Variants in PDS5B observed in about 807,000 individuals in gnomAD.
PDS5B encodes sister chromatid cohesion protein PDS5 homolog B.
PDS5B carries 51 observed loss-of-function variants against 184.1 expected under a neutral mutation model. The ratio of observed to expected loss-of-function variants is 0.28; its 90% CI spans 0.22 to 0.35. The LOEUF (loss-of-function observed/expected upper bound fraction) is 0.35, where lower values mean the gene tolerates loss of function less well. Ranked by LOEUF, PDS5B falls within the 10% of genes least tolerant of loss-of-function variation. PDS5B has a pLI of 1.00. For synonymous variants in PDS5B, 566 were observed against 569.2 expected, an observed-to-expected ratio of 0.99 and a Z score of 0.08; for missense variants, 1,180 against 1,723.3, an observed-to-expected ratio of 0.68 and a Z score of 5.58.
At chr13:32,630,275 A>C (rs2058434777) in intron 1 of PDS5B, among the ~76,000 whole-genome samples, 1 of 152,208 alleles carries the variant, frequency 6.6e-6, no homozygotes. Context: ...CCTATGTGGA[A>C]TCTGAGTGTA....
intron 6 of PDS5B, among the ~76,000 whole-genome samples, chr13:32,664,293 A>G (rs939873786): frequency 6.6e-6 from 1 of 152,256 alleles, no homozygotes; most frequent in Non-Finnish European, 1.5e-5. Flanking sequence ...ACAAATTTAT[A>G]GAAAATATAA....
chr13:32,733,277 C>T (rs1356350370), intron 20 of PDS5B, among the ~76,000 whole-genome samples: 2 of 152,128 alleles, frequency 1.3e-5, no homozygotes, highest in Non-Finnish European at 2.9e-5. Flanking sequence ...CTGTAGTCCT[C>T]CTCCTATGTA....
chr13:32,611,133 T>G (rs141462051), intron 1 of PDS5B, among the ~76,000 whole-genome samples: 1 of 152,308 alleles, frequency 6.6e-6, no homozygotes, highest in East Asian at 1.9e-4. Context: ...ATTTTGTCTT[T>G]TTTGTTTTTC....
intron 6 of PDS5B, among the ~76,000 whole-genome samples, chr13:32,662,681 C>T (rs982320852): frequency 4.6e-5 from 7 of 151,874 alleles, no homozygotes; most frequent in African/African-American, 1.7e-4. Flanking sequence ...AAGTGTAACT[C>T]CATGGCTAAA....
chr13:32,747,364 AT>A (rs1953788113), intron 24 of PDS5B, among the ~76,000 whole-genome samples: 1 of 152,158 alleles, frequency 6.6e-6, no homozygotes, highest in East Asian at 1.9e-4. Flanking sequence ...ATTGCCACTT[AT>A]GTATAACTCT....
chr13:32,716,078 C>G (rs1214576330), intron 19 of PDS5B, among the ~76,000 whole-genome samples: 2 of 152,022 alleles, frequency 1.3e-5, no homozygotes, highest in Non-Finnish European at 2.9e-5. Flanking sequence ...TGCCCGGCCA[C>G]CACCCCGTCT....
intron 19 of PDS5B, among the ~76,000 whole-genome samples, chr13:32,715,269 TA>T (rs1289225705): frequency 2.0e-5 from 3 of 152,220 alleles, no homozygotes; most frequent in African/African-American, 7.2e-5. Flanking sequence ...TACTTTTAAG[TA>T]GGGGCAAATG....
At chr13:32,708,765 A>G (rs774828297) in intron 18 of PDS5B, among the ~76,000 whole-genome samples, 4 of 152,044 alleles carry the variant, frequency 2.6e-5, no homozygotes, top group Non-Finnish European at 5.9e-5. Flanking sequence ...TCATACATCT[A>G]CTGACATCTC....
At chr13:32,681,190 CTTGCGGTA>C in intron 10 of PDS5B, among the ~76,000 whole-genome samples, 1 of 152,164 alleles carries the variant, frequency 6.6e-6, no homozygotes, top group South Asian at 2.1e-4. Context: ...CAGATGAGGG[CTTGCGGTA>C]TCTCATTCTA....
At chr13:32,770,029 A>T in intron 31 of PDS5B, 92 bp from the exon 32 acceptor site, 1 of 1,057,704 alleles carries the variant, frequency 9.5e-7, no homozygotes, top group Non-Finnish European at 1.4e-6. Context: ...TATCTAGGAC[A>T]ACATTAGATA....
At chr13:32,616,400 G>A (rs979644857) in intron 1 of PDS5B, among the ~76,000 whole-genome samples, 1 of 151,638 alleles carries the variant, frequency 6.6e-6, no homozygotes, top group Non-Finnish European at 1.5e-5. Context: ...AACACGAATG[G>A]GATCATACTA....
intron 14 of PDS5B, among the ~76,000 whole-genome samples, chr13:32,694,914 G>A (rs17516171): frequency 0.32 from 47,430 of 150,516 alleles, 9,066 homozygotes; most frequent in Non-Finnish European, 0.43. Context: ...AAAGCAGTGC[G>A]CCTGGTCATT....
At chr13:32,713,448 A>T (rs1952270402) in intron 19 of PDS5B, among the ~76,000 whole-genome samples, 1 of 152,216 alleles carries the variant, frequency 6.6e-6, no homozygotes. Flanking sequence ...TAAGCTGCCA[A>T]GGAAGGTAAA....
At chr13:32,692,143 C>T (rs192838346) in intron 13 of PDS5B, among the ~76,000 whole-genome samples, 242 of 152,172 alleles carry the variant, frequency 1.6e-3, no homozygotes, top group Non-Finnish European at 2.8e-3. Context: ...TAGAATTCCT[C>T]TTATTTGTTG....
rs1178894200 is a variant in PDS5B, at chr13:32,776,919, T to C, written c.*1867T>C. Reference sequence around the variant, plus strand: ...ACAACAATAGTGACACCAGTAATTATGAGAGGCTGTCATATATCAAAGCAG... The same window carrying C: ...ACAACAATAGTGACACCAGTAATTACGAGAGGCTGTCATATATCAAAGCAG... On this transcript the variant is annotated 3_prime_UTR_variant, in exon 35 of 35. Coordinates refer to ENST00000315596, the MANE Select transcript of PDS5B (RefSeq NM_015032.4). 1 of 152,494 alleles carries C rather than the reference T, an allele frequency of 6.6e-6. No homozygotes were observed. The highest frequency in any genetic ancestry group is 2.4e-5 in the African/African-American group (1 of 41,454). 9.4% of individuals were successfully genotyped at this position (152,494 alleles called of 1,614,324 possible). A position where few individuals can be genotyped will look rare whatever the true frequency, so the allele number is the denominator to read the frequency against.
At chr13:32,745,205 C>T (rs1437083454) in intron 23 of PDS5B, among the ~76,000 whole-genome samples, 5 of 152,198 alleles carry the variant, frequency 3.3e-5, no homozygotes, top group Admixed American at 1.3e-4. Flanking sequence ...TGCTTTCATT[C>T]TTCTTCTGTG....
At chr13:32,708,765 A>C (rs774828297) in intron 18 of PDS5B, among the ~76,000 whole-genome samples, 3 of 151,928 alleles carry the variant, frequency 2.0e-5, no homozygotes, top group Admixed American at 1.3e-4. Flanking sequence ...TCATACATCT[A>C]CTGACATCTC....
At chr13:32,678,043 A>C (rs60088097) in intron 9 of PDS5B, among the ~76,000 whole-genome samples, 56,320 of 151,868 alleles carry the variant, frequency 0.37, 11,037 homozygotes, top group Non-Finnish European at 0.44. Context: ...AATATAATCA[A>C]GTTTTTAGAT....
At chr13:32,611,681 G>C (rs1270151301) in intron 1 of PDS5B, among the ~76,000 whole-genome samples, 1 of 151,456 alleles carries the variant, frequency 6.6e-6, no homozygotes, top group Non-Finnish European at 1.5e-5. Context: ...CTAAGTTTTT[G>C]TATTTTTTGT....
Sources: gnomAD v4.1 joint callset for allele counts (sites outside exome capture counted in the v4.1 genomes callset) on GRCh38, gnomAD v4.1.1 for gene constraint, MANE v1.5 for transcripts, NCBI Gene and HGNC (gene_info 2026-07-23, HGNC 2026-07-21) for gene names.